COL4A1: variants seen among roughly 807,000 people sequenced by gnomAD.
The protein encoded by COL4A1 is collagen alpha-1(IV) chain.
A neutral mutation model predicts 216.6 loss-of-function variants in COL4A1; 40 were observed. The ratio of observed to expected loss-of-function variants is 0.18; its 90% CI spans 0.14 to 0.24. The LOEUF (loss-of-function observed/expected upper bound fraction) is 0.24. Among genes scored for constraint, COL4A1 ranks in the 10% least tolerant of loss-of-function variants. COL4A1 has a pLI of 1.00. For missense variants in COL4A1, 1,628 were observed against 2,196.8 expected (o/e 0.74, Z 5.18); for synonymous variants, 839 against 810.7 (o/e 1.03, Z -0.59).
chr13:110,274,766 G>A (rs1181883486), intron 1 of COL4A1, among the ~76,000 whole-genome samples: 1 of 152,100 alleles, frequency 6.6e-6, no homozygotes, highest in East Asian at 1.9e-4. Flanking sequence ...AAGAGCTTAG[G>A]GATGTACTAA....
chr13:110,205,715 T>C (rs1053566927), intron 15 of COL4A1, among the ~76,000 whole-genome samples, 177 bp from the exon 16 acceptor site: 4 of 151,774 alleles, frequency 2.6e-5, no homozygotes, highest in Non-Finnish European at 4.4e-5. Flanking sequence ...ATACAAAAAT[T>C]AGCTGGGTGT....
intron 26 of COL4A1, among the ~76,000 whole-genome samples, chr13:110,183,731 C>G (rs1259956010): frequency 1.3e-5 from 2 of 152,182 alleles, no homozygotes; most frequent in East Asian, 1.9e-4. Flanking sequence ...ACAACATGAT[C>G]CGCGGGTGAT....
At chr13:110,159,416 C>A (rs1466181916) in intron 49 of COL4A1, among the ~76,000 whole-genome samples, 4 of 152,142 alleles carry the variant, frequency 2.6e-5, no homozygotes, top group East Asian at 3.9e-4. Context: ...CCCCCTCACA[C>A]CCATTGGGAT....
Position 110,297,225 on chromosome 13 carries a change from TG to T in COL4A1, c.84+9718del, listed in dbSNP as rs931206729. Among the ~76,000 whole-genome samples the T allele has an allele frequency of 2.0e-5, 3 of 152,070 alleles. No homozygotes were observed. In the East Asian group the frequency reaches 5.8e-4, roughly 29 times the overall value. On this transcript the variant is annotated intron_variant, in intron 1 of 51. Coordinates refer to ENST00000375820, the MANE Select transcript of COL4A1 (RefSeq NM_001845.6). ...CCAGCCTAACTCTGAAGCTGCGGGGTGGGGGGGCCAGCCACCAGTCAACTCA... is the reference window on the plus strand; with the variant it reads ...CCAGCCTAACTCTGAAGCTGCGGGGTGGGGGGCCAGCCACCAGTCAACTCA...
intron 1 of COL4A1, among the ~76,000 whole-genome samples, chr13:110,304,557 T>G (rs2139327781): frequency 6.6e-6 from 1 of 152,310 alleles, no homozygotes; most frequent in Non-Finnish European, 1.5e-5. Context: ...ATCAGAACAC[T>G]GCTGGCACGT....
At chr13:110,156,162 T>C (rs1876777420) in intron 49 of COL4A1, among the ~76,000 whole-genome samples, 1 of 152,186 alleles carries the variant, frequency 6.6e-6, no homozygotes, top group Admixed American at 6.5e-5. Flanking sequence ...GCTCTAACAG[T>C]GGCTCTCCTG....
intron 1 of COL4A1, among the ~76,000 whole-genome samples, chr13:110,264,980 T>C (rs924404291): frequency 3.3e-5 from 5 of 152,262 alleles, no homozygotes; most frequent in South Asian, 2.1e-4. Flanking sequence ...CCTCCTTCCC[T>C]GTTGCTGGAT....
intron 21 of COL4A1, among the ~76,000 whole-genome samples, chr13:110,196,225 A>C (rs1200493492): frequency 6.6e-6 from 1 of 152,218 alleles, no homozygotes; most frequent in East Asian, 1.9e-4. Flanking sequence ...CACAAAGCAC[A>C]GGAGGCAAGA....
chr13:110,210,652 G>C (rs1879749940), intron 8 of COL4A1, among the ~76,000 whole-genome samples: 1 of 152,192 alleles, frequency 6.6e-6, no homozygotes, highest in Non-Finnish European at 1.5e-5. Context: ...AACTTGGCTA[G>C]GCCACATTAT....
chr13:110,198,858 C>T (rs941072473), intron 20 of COL4A1, among the ~76,000 whole-genome samples: 3 of 152,204 alleles, frequency 2.0e-5, no homozygotes, highest in Admixed American at 6.5e-5. Context: ...GGACTCATTA[C>T]GTAGATATTA....
chr13:110,188,100 C>T (rs1408951301), intron 24 of COL4A1, among the ~76,000 whole-genome samples: 4 of 152,214 alleles, frequency 2.6e-5, no homozygotes, highest in Non-Finnish European at 5.9e-5. Flanking sequence ...AATGGCTTCT[C>T]CTCCAGCATC....
chr13:110,291,720 G>C (rs1394868664), intron 1 of COL4A1, among the ~76,000 whole-genome samples: 3 of 152,194 alleles, frequency 2.0e-5, no homozygotes. Context: ...CTTCTTTAGT[G>C]GGTTATTTAC....
intron 36 of COL4A1, among the ~76,000 whole-genome samples, chr13:110,175,895 A>G (rs984070776): frequency 2.6e-5 from 4 of 152,202 alleles, no homozygotes; most frequent in Non-Finnish European, 5.9e-5. Flanking sequence ...TGGGCTTCCC[A>G]TCTGAACTCT....
intron 30 of COL4A1, 109 bp from the exon 31 acceptor site, chr13:110,179,145 G>A (rs1407702256): frequency 1.3e-6 from 2 of 1,543,168 alleles, no homozygotes; most frequent in African/African-American, 1.4e-5. Context: ...ACGAGCTCTA[G>A]GCCTCTAAGA....
chr13:110,178,793 G>C (rs1387131509), intron 31 of COL4A1, 130 bp downstream of exon 31: 2 of 735,636 alleles, frequency 2.7e-6, no homozygotes, highest in Non-Finnish European at 4.7e-6. Flanking sequence ...ACAAACTCGA[G>C]TTTTATTTTT....
At chr13:110,304,849 G>C (rs1042413232) in intron 1 of COL4A1, among the ~76,000 whole-genome samples, 3 of 152,212 alleles carry the variant, frequency 2.0e-5, no homozygotes, top group Admixed American at 1.3e-4. Context: ...CAGTGCAAAG[G>C]AGAGGTAAGC....
chr13:110,163,528 G>C lies in COL4A1; in HGVS notation c.4184C>G (p.Pro1395Arg). The C allele has an allele frequency of 1.2e-6, 2 of 1,614,092 alleles. No homozygotes were observed. The highest frequency in any genetic ancestry group is 1.7e-6 in the Non-Finnish European group (2 of 1,179,992). Residue 1395 changes from proline (P) to arginine (R), a missense_variant, in exon 47 of 52, where the codon CCA (proline) becomes CGA (arginine). Pro to Arg is a moderately radical substitution (Grantham distance 103). This residue lies in a region of COL4A1 where 345 missense variants were observed against 476.9 expected (regional missense o/e 0.72). Transcript: ENST00000375820. ...VTGLVGIPGPPGIPGFDGAPG... is the reference protein window; with the variant it reads ...VTGLVGIPGPRGIPGFDGAPG... ...GGCACCGTCAAACCCAGGAATACCT[G>C]GAGGTCCAGGTATACCCACCAATCC...
At chr13:110,159,008 G>T (rs2138424953) in intron 49 of COL4A1, among the ~76,000 whole-genome samples, 1 of 152,326 alleles carries the variant, frequency 6.6e-6, no homozygotes, top group East Asian at 1.9e-4. Context: ...CTCCCAAAGT[G>T]CTGGGATTAC....
chr13:110,280,581 G>A (rs951737814), intron 1 of COL4A1, among the ~76,000 whole-genome samples: 2 of 152,174 alleles, frequency 1.3e-5, no homozygotes, highest in Admixed American at 6.5e-5. Context: ...TAGCAGCGCC[G>A]CATGGCATGG....
Sources: gnomAD v4.1 joint callset for allele counts (sites outside exome capture counted in the v4.1 genomes callset) on GRCh38, gnomAD v4.1.1 for gene constraint, gnomAD v4.1.1 regional missense constraint, MANE v1.5 for transcripts, NCBI Gene and HGNC (gene_info 2026-07-23, HGNC 2026-07-21) for gene names.